LRGUK: variants seen among roughly 807,000 people sequenced by gnomAD.
The protein encoded by LRGUK is leucine rich repeats and guanylate kinase domain containing.
LRGUK carries 65 observed loss-of-function variants against 76.0 expected under a neutral mutation model. The ratio of observed to expected loss-of-function variants is 0.85; its 90% CI spans 0.70 to 1.05. The LOEUF (loss-of-function observed/expected upper bound fraction) is 1.05, where lower values mean the gene tolerates loss of function less well. Among genes scored for constraint, LRGUK ranks in the 50% least tolerant of loss-of-function variants. The pLI, the probability that LRGUK is intolerant of heterozygous loss-of-function variation, is 0.00. For missense variants in LRGUK, 758 were observed against 732.8 expected (o/e 1.03, Z -0.40); for synonymous variants, 268 against 265.6 (o/e 1.01, Z -0.09).
intron 1 of LRGUK, among the ~76,000 whole-genome samples, chr7:134,132,471 C>A (rs1797355206): frequency 6.6e-6 from 1 of 152,078 alleles, no homozygotes; most frequent in Non-Finnish European, 1.5e-5. Flanking sequence ...GAGACATTGG[C>A]CCACGTGGTT....
At chr7:134,242,169 C>G (rs1194242113) in intron 16 of LRGUK, among the ~76,000 whole-genome samples, 4 of 152,140 alleles carry the variant, frequency 2.6e-5, no homozygotes, top group Non-Finnish European at 5.9e-5. Context: ...CAAACACATT[C>G]AAAAGCTAGC....
chr7:134,181,983 A>T (rs1221581675), intron 10 of LRGUK, among the ~76,000 whole-genome samples: 1 of 152,186 alleles, frequency 6.6e-6, no homozygotes, highest in Non-Finnish European at 1.5e-5. Context: ...AATACTCTAT[A>T]ATAGCCATAG....
the LRGUK span, among the ~76,000 whole-genome samples, chr7:134,270,263 T>C: frequency 1.3e-5 from 2 of 152,150 alleles, no homozygotes; most frequent in African/African-American, 2.4e-5. Flanking sequence ...AAAAAATCAA[T>C]TGTATTTCTG....
intron 16 of LRGUK, among the ~76,000 whole-genome samples, chr7:134,223,483 T>C (rs1755851717): frequency 6.6e-6 from 1 of 152,246 alleles, no homozygotes; most frequent in South Asian, 2.1e-4. Context: ...ATTTGTTCCA[T>C]GATACTGAGT....
At chr7:134,165,967 G>A (rs1038952308) in intron 7 of LRGUK, among the ~76,000 whole-genome samples, 2 of 152,148 alleles carry the variant, frequency 1.3e-5, no homozygotes, top group Non-Finnish European at 2.9e-5. Flanking sequence ...GTGTCCCAAA[G>A]GGGGATCCTT....
intron 2 of LRGUK, among the ~76,000 whole-genome samples, chr7:134,138,880 C>A (rs1797642842): frequency 1.3e-5 from 2 of 152,174 alleles, no homozygotes; most frequent in African/African-American, 4.8e-5. Context: ...GTTAACCTAC[C>A]TCTCTGTACC....
downstream of LRGUK, among the ~76,000 whole-genome samples, chr7:134,265,512 G>T (rs555455539): frequency 1.5e-4 from 23 of 152,188 alleles, no homozygotes; most frequent in African/African-American, 4.8e-4. Context: ...AAGCCCCAGC[G>T]AAAGCCCACT....
chr7:134,190,009 T>C (rs147801316), intron 11 of LRGUK, among the ~76,000 whole-genome samples: 13 of 152,316 alleles, frequency 8.5e-5, no homozygotes, highest in Non-Finnish European at 1.9e-4. Context: ...AACTTTACTC[T>C]CTGAATTAGT....
chr7:134,147,056 T>G (rs1798002024), intron 4 of LRGUK, among the ~76,000 whole-genome samples: 1 of 152,178 alleles, frequency 6.6e-6, no homozygotes, highest in African/African-American at 2.4e-5. Context: ...CTGAAAAAGC[T>G]TTCCTACAGT....
At chr7:134,177,625 C>T (rs1227918698) in intron 9 of LRGUK, among the ~76,000 whole-genome samples, 1 of 152,176 alleles carries the variant, frequency 6.6e-6, no homozygotes, top group Non-Finnish European at 1.5e-5. Context: ...ACTGCTTTGT[C>T]TTGCTTTAGT....
chr7:134,178,563 AC>A lies in LRGUK; in HGVS notation c.1171del (p.His391MetfsTer6). ...AGTGGTTGCAGCTCAAGACCACCTG[AC>A]CCATGTTGTCAACAGCGTGATGCAG... is the stretch of plus-strand genomic sequence containing the variant. On this transcript the variant is annotated frameshift_variant, in exon 10 of 16. Transcript: ENST00000645682. LOFTEE classifies it high-confidence loss of function. 1 of 1,613,328 alleles carries A rather than the reference AC, an allele frequency of 6.2e-7. No homozygotes were observed. The highest frequency in any genetic ancestry group is 8.5e-7 in the Non-Finnish European group (1 of 1,179,698).
exon 20 of LRGUK, chr7:134,264,157 T>C (rs911835858): frequency 2.0e-6 from 1 of 498,644 alleles, no homozygotes; most frequent in Non-Finnish European, 3.2e-6. Context: ...TGTCTTTTAG[T>C]TTTTTAATTA....
intron 16 of LRGUK, among the ~76,000 whole-genome samples, chr7:134,230,586 C>T (rs139644781): frequency 3.3e-5 from 5 of 152,262 alleles, no homozygotes; most frequent in African/African-American, 7.2e-5. Flanking sequence ...TAGAAATTCA[C>T]ATGTCCATCA....
chr7:134,148,082 A>T (rs1458074807), intron 4 of LRGUK, among the ~76,000 whole-genome samples, 156 bp from the exon 5 acceptor site: 2 of 142,134 alleles, frequency 1.4e-5, no homozygotes, highest in Non-Finnish European at 3.1e-5. Flanking sequence ...AAAAAAAAAG[A>T]TTAAAGACAG....
At chr7:134,164,074 C>T (rs888258087) in intron 7 of LRGUK, among the ~76,000 whole-genome samples, 1 of 152,018 alleles carries the variant, frequency 6.6e-6, no homozygotes, top group South Asian at 2.1e-4. Flanking sequence ...TTGTGTTTTT[C>T]CATGCTGAGA....
intron 16 of LRGUK, among the ~76,000 whole-genome samples, chr7:134,225,137 A>AAC (rs935341201): frequency 2.0e-5 from 3 of 150,908 alleles, no homozygotes; most frequent in African/African-American, 7.3e-5. Context: ...AAAAAAAAAA[A>AAC]AAAAAAAAAA....
intron 6 of LRGUK, among the ~76,000 whole-genome samples, chr7:134,160,704 C>T (rs1298334525): frequency 1.3e-5 from 2 of 152,190 alleles, no homozygotes; most frequent in Non-Finnish European, 2.9e-5. Flanking sequence ...CAATGCATTC[C>T]AAACTTTAAA....
At chr7:134,163,723 A>G (rs1394048465) in intron 7 of LRGUK, among the ~76,000 whole-genome samples, 183 bp downstream of exon 7, 1 of 152,178 alleles carries the variant, frequency 6.6e-6, no homozygotes, top group Non-Finnish European at 1.5e-5. Context: ...AATACTTACA[A>G]TCTTAATTAT....
rs566721885 is a variant in LRGUK at position 134,131,123 on chromosome 7, C to A, written c.297+3459C>A. On this transcript the variant is annotated intron_variant, in intron 1 of 15. Transcript: ENST00000645682. ...CGTTGACTGTACAGAGCAGAAGTTTCTGGGCCCAAAAATTGATGCATGAAA... is the reference window on the plus strand; with the variant it reads ...CGTTGACTGTACAGAGCAGAAGTTTATGGGCCCAAAAATTGATGCATGAAA... 1.2e-4 allele frequency among the ~76,000 whole-genome samples: 18 copies of A among 152,280 alleles called. No individual in the cohort carries two copies. The East Asian group carries it at 3.5e-3, about 29-fold the overall frequency.
Sources: gnomAD v4.1 joint callset for allele counts (sites outside exome capture counted in the v4.1 genomes callset) on GRCh38, gnomAD v4.1.1 for gene constraint, MANE v1.5 for transcripts, NCBI Gene and HGNC (gene_info 2026-07-23, HGNC 2026-07-21) for gene names.